SULT2B1: variants seen among roughly 807,000 people sequenced by gnomAD.
SULT2B1 encodes sulfotransferase family 2B member 1.
In SULT2B1, 16 loss-of-function variants were observed where a neutral mutation model predicts 33.2. The observed-to-expected ratio is 0.48, with a 90% CI of 0.33 to 0.73. The LOEUF (loss-of-function observed/expected upper bound fraction) is 0.73. Among genes scored for constraint, SULT2B1 ranks in the 30% least tolerant of loss-of-function variants. SULT2B1 has a pLI of 0.02. For missense variants in SULT2B1, 500 were observed against 506.0 expected, an observed-to-expected ratio of 0.99 and a Z score of 0.11; for synonymous variants, 186 against 200.5, an observed-to-expected ratio of 0.93 and a Z score of 0.61.
chr19:48,578,242 C>G (rs1244713297), intron 2 of SULT2B1, among the ~76,000 whole-genome samples: 2 of 151,994 alleles, frequency 1.3e-5, no homozygotes, highest in Admixed American at 6.6e-5. Flanking sequence ...AATTCAATGA[C>G]TTTGCCATGT....
rs114982234 is a variant in SULT2B1, at chr19:48,580,831, G to A, written c.214+4748G>A. 4.3e-3 allele frequency among the ~76,000 whole-genome samples: 641 copies of A among 149,154 alleles called. 4 individuals are homozygous for A. Among genetic ancestry groups the A allele is most frequent in the African/African-American group, 0.015 (599 of 40,422 alleles). On this transcript the variant is annotated intron_variant, in intron 2 of 6. Transcript: ENST00000201586. ...GTCTCTGGTTGGTCTCGAATGCCTG[G>A]GCTCAAGCGATCTTCCTGCCTCAGC...
At chr19:48,560,949 C>A (rs1054695402) in intron 1 of SULT2B1, among the ~76,000 whole-genome samples, 2 of 149,226 alleles carry the variant, frequency 1.3e-5, no homozygotes, top group African/African-American at 5.0e-5. Context: ...GCAACAAGAG[C>A]AAAACTCCGT....
intron 2 of SULT2B1, among the ~76,000 whole-genome samples, chr19:48,576,359 C>CTTTTCTTTTTTTTTTTTTTTTT: frequency 1.5e-3 from 149 of 96,688 alleles, no homozygotes; most frequent in East Asian, 2.3e-3. Context: ...CTCTACTTCT[C>CTTTTCTTTTTTTTTTTTTTTTT]TTTTTTTTTT....
At chr19:48,591,066 C>G (rs1182145336) in intron 3 of SULT2B1, 1 of 152,392 alleles carries the variant, frequency 6.6e-6, no homozygotes, top group East Asian at 1.9e-4. Flanking sequence ...CTCCTGGGTT[C>G]AAGTTATCCT....
At chr19:48,554,732 C>T (rs1270721547) in intron 1 of SULT2B1, among the ~76,000 whole-genome samples, 2 of 135,152 alleles carry the variant, frequency 1.5e-5, no homozygotes, top group Non-Finnish European at 3.1e-5. Flanking sequence ...GGAACGATCT[C>T]GGCTCACTGC....
intron 4 of SULT2B1, among the ~76,000 whole-genome samples, chr19:48,592,152 G>A (rs1383630417): frequency 1.3e-5 from 2 of 152,008 alleles, no homozygotes; most frequent in African/African-American, 4.8e-5. Flanking sequence ...AATTAGCCGG[G>A]TGTGGTGGCG....
intron 2 of SULT2B1, among the ~76,000 whole-genome samples, chr19:48,580,556 GC>G (rs1378922466): frequency 1.3e-5 from 2 of 152,084 alleles, no homozygotes; most frequent in African/African-American, 4.8e-5. Context: ...CACCGTGCCA[GC>G]CCGAAGTGGC....
At chr19:48,597,067 A>G in intron 6 of SULT2B1, 148 bp downstream of exon 6, 1 of 970,676 alleles carries the variant, frequency 1.0e-6, no homozygotes, top group African/African-American at 1.6e-5. Flanking sequence ...TTGATCACGC[A>G]CGGGGCTTAG....
At chr19:48,574,155 C>A (rs903974411) in intron 1 of SULT2B1, among the ~76,000 whole-genome samples, 1 of 152,226 alleles carries the variant, frequency 6.6e-6, no homozygotes. Flanking sequence ...AGCCACTGCG[C>A]CCAGCCCTTG....
rs370439980 is a variant in SULT2B1 at position 48,592,886 on chromosome 19, T to C, written c.645+70T>C. ...CTGCTCACACCCCACACTCTCCCCT[T>C]CCCGAGGGTCTCAGGACCCCTCCGC... On this transcript the variant is annotated intron_variant, in intron 5 of 6. Coordinates refer to ENST00000201586, the MANE Select transcript of SULT2B1 (RefSeq NM_177973.2). The C allele has an allele frequency of 1.7e-5, 24 of 1,375,974 alleles. No individual in the cohort carries two copies. The African/African-American group carries it at 2.9e-4, about 16-fold the overall frequency. The allele number at this position is 1,375,974 out of a possible 1,614,324, so 85.2% of individuals were successfully genotyped here. A position where few individuals can be genotyped will look rare whatever the true frequency, so the allele number is the denominator to read the frequency against.
At chr19:48,588,498 G>A (rs984895909) in intron 3 of SULT2B1, among the ~76,000 whole-genome samples, 1 of 146,530 alleles carries the variant, frequency 6.8e-6, no homozygotes, top group African/African-American at 2.6e-5. Flanking sequence ...GGCAACAAAA[G>A]CAAAACTCCG....
At chr19:48,574,081 C>G (rs558766859) in intron 1 of SULT2B1, among the ~76,000 whole-genome samples, 2 of 152,274 alleles carry the variant, frequency 1.3e-5, no homozygotes, top group South Asian at 4.1e-4. Flanking sequence ...ATGCTGGTCT[C>G]GAACTCCTGG....
At chr19:48,585,393 C>T (rs956005564) in intron 2 of SULT2B1, among the ~76,000 whole-genome samples, 3 of 151,790 alleles carry the variant, frequency 2.0e-5, no homozygotes, top group African/African-American at 7.3e-5. Flanking sequence ...CTCAGCCGGG[C>T]GCAGTGGCTT....
rs879507532 is a variant in SULT2B1 at position 48,576,354 on chromosome 19, C to CTTTTTTTTTTTTTTTTTTTT, written c.214+273_214+274insTTTTTTTTTTTTTTTTTTTT. On this transcript the variant is annotated intron_variant, in intron 2 of 6. Coordinates refer to ENST00000201586, the MANE Select transcript of SULT2B1 (RefSeq NM_177973.2). The stretch of plus-strand genomic sequence containing the variant: ...TCCTCCCTTTCCCCTTTACCCTCTA[C>CTTTTTTTTTTTTTTTTTTTT]TTCTCTTTTTTTTTTTTTTTTTTGT... 1.0e-3 allele frequency among the ~76,000 whole-genome samples: 83 copies of CTTTTTTTTTTTTTTTTTTTT among 79,908 alleles called. 3 individuals are homozygous for CTTTTTTTTTTTTTTTTTTTT. Among genetic ancestry groups the CTTTTTTTTTTTTTTTTTTTT allele is most frequent in the Non-Finnish European group, 1.2e-3 (54 of 43,876 alleles). The allele number at this position is 79,908 out of a possible 152,430, so 52.4% of individuals were successfully genotyped here.
At chr19:48,568,461 C>T (rs1334692081) in intron 1 of SULT2B1, among the ~76,000 whole-genome samples, 1 of 152,052 alleles carries the variant, frequency 6.6e-6, no homozygotes, top group Non-Finnish European at 1.5e-5. Context: ...TGTTCCCAAA[C>T]GATCTCCCTA....
chr19:48,558,248 G>C (rs1199628197), intron 1 of SULT2B1, among the ~76,000 whole-genome samples: 1 of 152,212 alleles, frequency 6.6e-6, no homozygotes, highest in African/African-American at 2.4e-5. Flanking sequence ...AAGCCTGACT[G>C]TATCACGCCC....
intron 1 of SULT2B1, among the ~76,000 whole-genome samples, chr19:48,569,295 TCG>T (rs1973285101): frequency 2.1e-5 from 3 of 144,578 alleles, no homozygotes; most frequent in Non-Finnish European, 3.0e-5. Context: ...TGAGCCAAGA[TCG>T]CGCCACTGCA....
rs1973087560 is a variant in SULT2B1, at chr19:48,555,550, CT to C, written c.71+3228del. Reference sequence around the variant, plus strand: ...CTTGCATAGGGATCCCAGAGACATCCTCTCTCTCTCTCTCTCTCTCTCTCTC... The same window carrying C: ...CTTGCATAGGGATCCCAGAGACATCCCTCTCTCTCTCTCTCTCTCTCTCTC... On this transcript the variant is annotated intron_variant, in intron 1 of 6. Transcript: ENST00000201586. Among the ~76,000 whole-genome samples the C allele has an allele frequency of 1.4e-4, 2 of 13,976 alleles. 1 individual carries two copies. Among genetic ancestry groups the C allele is most frequent in the African/African-American group, 8.9e-4 (2 of 2,258 alleles). The allele number at this position is 13,976 out of a possible 152,430, so 9.2% of individuals were successfully genotyped here.
intron 2 of SULT2B1, among the ~76,000 whole-genome samples, chr19:48,576,354 C>CTTTTTTTTTT (rs879507532): frequency 0.037 from 2,971 of 79,502 alleles, 636 homozygotes; most frequent in East Asian, 0.062. Context: ...TTACCCTCTA[C>CTTTTTTTTTT]TTCTCTTTTT....
Sources: allele counts gnomAD v4.1 joint callset (sites outside exome capture counted in the v4.1 genomes callset), GRCh38; gene constraint gnomAD v4.1.1; transcripts MANE v1.5; gene names NCBI Gene and HGNC (gene_info 2026-07-23, HGNC 2026-07-21).